NWD2: variants seen among roughly 807,000 people sequenced by gnomAD.
The protein encoded by NWD2 is NACHT and WD repeat domain containing 2, also known as NACHT and WD repeat domain-containing protein 2.
A neutral mutation model predicts 132.7 loss-of-function variants in NWD2; 37 were observed. That is an observed-to-expected ratio of 0.28 (90% CI 0.21 to 0.37). The LOEUF is 0.37. Among genes scored for constraint, NWD2 ranks in the 10% least tolerant of loss-of-function variants. The pLI, the probability that NWD2 is intolerant of heterozygous loss-of-function variation, is 1.00. For missense variants in NWD2, 1,592 were observed against 2,122.4 expected (o/e 0.75, Z 4.91); for synonymous variants, 705 against 803.0 (o/e 0.88, Z 2.06).
intron 2 of NWD2, among the ~76,000 whole-genome samples, chr4:37,348,972 G>A (rs1719706198): frequency 6.6e-6 from 1 of 151,714 alleles, no homozygotes; most frequent in Non-Finnish European, 1.5e-5. Context: ...TGAGAATGAT[G>A]GTTTCCAGCT....
At position 37,445,028 on chromosome 4, in the gene NWD2, G is replaced by A; in HGVS notation, c.3040G>A (p.Gly1014Ser). The change falls in exon 7 of 7, where the codon GGC becomes AGC. Residue 1014 changes from glycine (G) to serine (S), a missense_variant. This residue lies in a region of NWD2 where 1,071 missense variants were observed against 1,398.0 expected (regional missense o/e 0.77). Coordinates refer to ENST00000309447, the MANE Select transcript of NWD2 (RefSeq NM_001144990.2). This position sits in a 1 kb window ranked among gnomAD's most constrained non-coding sequence, Gnocchi z 4.7. ...QITTAQSVIL[G>S]MKLTSDEKYL... ...CACCACAGCCCAGTCTGTCATCCTG[G>A]GCATGAAACTCACCAGTGATGAAAA... 1 of 1,551,814 alleles carries A rather than the reference G, an allele frequency of 6.4e-7. No homozygotes were observed. Among genetic ancestry groups the A allele is most frequent in the Non-Finnish European group, 8.7e-7 (1 of 1,147,028 alleles).
At chr4:37,245,617 C>T (rs1577642281) in intron 1 of NWD2, among the ~76,000 whole-genome samples, 2 of 151,918 alleles carry the variant, frequency 1.3e-5, no homozygotes, top group African/African-American at 4.8e-5. Flanking sequence ...CTCTCCTCCC[C>T]GAGGCGGGTT....
intron 3 of NWD2, among the ~76,000 whole-genome samples, chr4:37,381,119 C>A (rs990871406): frequency 2.0e-5 from 3 of 152,140 alleles, no homozygotes; most frequent in Non-Finnish European, 4.4e-5. Context: ...TCCCCCCAAG[C>A]CCTAGCCCCA....
At position 37,388,603 on chromosome 4, in the gene NWD2, T is replaced by C. The variant is rs1480392799; in HGVS notation, c.357+32121T>C. 8.7e-5 allele frequency among the ~76,000 whole-genome samples: 12 copies of C among 138,642 alleles called. 1 individual carries two copies. Among genetic ancestry groups the C allele is most frequent in the Admixed American group, 7.9e-4 (11 of 13,842 alleles). The allele number at this position is 138,642 out of a possible 152,430, so 91.0% of individuals were successfully genotyped here. A position where few individuals can be genotyped will look rare whatever the true frequency, so the allele number is the denominator to read the frequency against. On this transcript the variant is annotated intron_variant, in intron 3 of 6. Transcript: ENST00000309447. ...TTATATTGTGGGAAATATATATTTCTATTGTGGAAAATATATATTTATGTT... is the reference window on the plus strand; with the variant it reads ...TTATATTGTGGGAAATATATATTTCCATTGTGGAAAATATATATTTATGTT...
chr4:37,351,272 AC>A (rs1719755448), intron 2 of NWD2, among the ~76,000 whole-genome samples: 1 of 151,968 alleles, frequency 6.6e-6, no homozygotes, highest in African/African-American at 2.4e-5. Flanking sequence ...TCCTCTTTGT[AC>A]CCTCAGTAGA....
intron 5 of NWD2, 79 bp downstream of exon 5, chr4:37,434,099 A>C (rs1712251337): frequency 2.4e-6 from 2 of 848,272 alleles, no homozygotes; most frequent in Non-Finnish European, 3.4e-6. Flanking sequence ...AATGCCCTGC[A>C]AATTTAATCT....
chr4:37,315,024 A>G (rs1345884346), intron 1 of NWD2, among the ~76,000 whole-genome samples: 1 of 152,148 alleles, frequency 6.6e-6, no homozygotes, highest in Non-Finnish European at 1.5e-5. Flanking sequence ...ATAATGTCAA[A>G]TATTTAGAAA....
At chr4:37,315,760 T>A (rs1718944066) in intron 1 of NWD2, among the ~76,000 whole-genome samples, 1 of 152,110 alleles carries the variant, frequency 6.6e-6, no homozygotes, top group African/African-American at 2.4e-5. Context: ...TTTCTTCGTT[T>A]GTTCCCACTT....
intron 1 of NWD2, among the ~76,000 whole-genome samples, chr4:37,256,483 A>G (rs968908970): frequency 2.0e-5 from 3 of 152,202 alleles, no homozygotes; most frequent in African/African-American, 7.2e-5. Flanking sequence ...TTGCTAAGCA[A>G]AGAGTAGCTT....
chr4:37,414,916 A>G (rs918297181), intron 3 of NWD2, among the ~76,000 whole-genome samples: 1 of 152,214 alleles, frequency 6.6e-6, no homozygotes, highest in African/African-American at 2.4e-5. Context: ...TTTTACAGAT[A>G]AGGGAGCACA....
chr4:37,344,575 T>C (rs1015020000), intron 2 of NWD2, among the ~76,000 whole-genome samples: 1 of 152,154 alleles, frequency 6.6e-6, no homozygotes, highest in Non-Finnish European at 1.5e-5. Context: ...TACTTTGGCT[T>C]TTGAAATAAA....
chr4:37,400,708 T>C (rs1720881608), intron 3 of NWD2, among the ~76,000 whole-genome samples: 1 of 152,166 alleles, frequency 6.6e-6, no homozygotes, highest in South Asian at 2.1e-4. Flanking sequence ...ATGGAAAGTG[T>C]GTGGGTTTCA....
intron 4 of NWD2, among the ~76,000 whole-genome samples, chr4:37,432,504 T>A (rs558778928): frequency 1.3e-5 from 2 of 152,304 alleles, no homozygotes; most frequent in African/African-American, 4.8e-5. Flanking sequence ...CAGATTATTT[T>A]TCCAGTTCAC....
intron 3 of NWD2, among the ~76,000 whole-genome samples, chr4:37,399,311 T>G (rs1720860335): frequency 6.6e-6 from 1 of 152,240 alleles, no homozygotes; most frequent in Admixed American, 6.5e-5. Context: ...GGCCATCTTC[T>G]GGCTCCAAGA....
intron 1 of NWD2, among the ~76,000 whole-genome samples, chr4:37,266,853 A>G (rs564609463): frequency 2.6e-4 from 39 of 152,044 alleles, no homozygotes; most frequent in South Asian, 1.2e-3. Flanking sequence ...CAATACTCAT[A>G]GTAAAAGTAC....
At chr4:37,295,423 A>AT (rs1298894195) in intron 1 of NWD2, among the ~76,000 whole-genome samples, 1 of 152,194 alleles carries the variant, frequency 6.6e-6, no homozygotes, top group Admixed American at 6.5e-5. Flanking sequence ...AGTTGAAATC[A>AT]TCTCATTGAC....
chr4:37,275,531 C>G (rs1560382734), intron 1 of NWD2, among the ~76,000 whole-genome samples: 1 of 152,084 alleles, frequency 6.6e-6, no homozygotes, highest in Non-Finnish European at 1.5e-5. Flanking sequence ...AATGCCATCC[C>G]CATCAATCTA....
intron 3 of NWD2, among the ~76,000 whole-genome samples, chr4:37,420,999 T>C (rs904802688): frequency 1.3e-5 from 2 of 152,130 alleles, no homozygotes; most frequent in African/African-American, 4.8e-5. Flanking sequence ...CACAGACATT[T>C]CACTTTTTTT....
chr4:37,350,007 A>T (rs895901039), intron 2 of NWD2, among the ~76,000 whole-genome samples: 44 of 152,070 alleles, frequency 2.9e-4, no homozygotes, highest in African/African-American at 1.1e-3. Flanking sequence ...GATATGTGGC[A>T]TTATTTCTGA....
Sources: gnomAD v4.1 joint callset for allele counts (sites outside exome capture counted in the v4.1 genomes callset) on GRCh38, gnomAD v4.1.1 for gene constraint, gnomAD v4.1.1 regional missense constraint, Gnocchi (gnomAD v3.1) non-coding constraint, MANE v1.5 for transcripts, NCBI Gene and HGNC (gene_info 2026-07-23, HGNC 2026-07-21) for gene names.